Variants in PCDH15 observed in about 807,000 individuals in gnomAD.
The protein encoded by PCDH15 is protocadherin related 15.
In PCDH15, 129 loss-of-function variants were observed where a neutral mutation model predicts 178.5. The observed-to-expected ratio is 0.72, with a 90% confidence interval of 0.63 to 0.84. The LOEUF is 0.84. PCDH15 is among the 40% of genes least tolerant of loss of function. PCDH15 has a pLI of 0.00. For synonymous variants in PCDH15, 800 were observed against 732.0 expected (o/e 1.09, Z -1.50); for missense variants, 2,230 against 2,099.9 (o/e 1.06, Z -1.21).
chr10:55,229,022 T>C (rs1841136284), intron 1 of PCDH15, among the ~76,000 whole-genome samples: 1 of 151,882 alleles, frequency 6.6e-6, no homozygotes, highest in Non-Finnish European at 1.5e-5. Flanking sequence ...TTAAGCAATA[T>C]CATATTTTTC....
intron 34 of PCDH15, among the ~76,000 whole-genome samples, chr10:53,817,597 C>A (rs1451687296): frequency 6.8e-6 from 1 of 147,006 alleles, no homozygotes; most frequent in Non-Finnish European, 1.5e-5. Flanking sequence ...TCTTGGCTCA[C>A]TGCAATCTCC....
intron 1 of PCDH15, among the ~76,000 whole-genome samples, chr10:55,283,091 G>A (rs1290304111): frequency 6.6e-6 from 1 of 152,156 alleles, no homozygotes. Context: ...TCATGCAGCT[G>A]GAGGCTGTAA....
intron 3 of PCDH15, among the ~76,000 whole-genome samples, chr10:54,869,878 G>T (rs569315852): frequency 3.0e-4 from 45 of 152,210 alleles, no homozygotes; most frequent in Admixed American, 2.7e-3. Flanking sequence ...TTCACATGGG[G>T]TCAAGCCAAC....
chr10:55,194,782 T>C (rs1012483801), intron 1 of PCDH15, among the ~76,000 whole-genome samples: 1 of 151,848 alleles, frequency 6.6e-6, no homozygotes, highest in African/African-American at 2.4e-5. Context: ...TGAGCGACTA[T>C]ATATAGTATG....
intron 8 of PCDH15, among the ~76,000 whole-genome samples, chr10:54,288,812 G>T (rs2059202492): frequency 1.3e-5 from 2 of 152,216 alleles, no homozygotes; most frequent in Admixed American, 6.5e-5. Context: ...GGCTGGGGGA[G>T]GTGCGTCTGC....
intron 8 of PCDH15, among the ~76,000 whole-genome samples, chr10:54,290,560 G>T (rs977126474): frequency 1.3e-5 from 2 of 152,274 alleles, no homozygotes; most frequent in African/African-American, 4.8e-5. Context: ...AACCTAAAAT[G>T]TAAATGGGCT....
At chr10:54,002,146 A>G (rs2135021568) in intron 20 of PCDH15, among the ~76,000 whole-genome samples, 1 of 151,548 alleles carries the variant, frequency 6.6e-6, no homozygotes, top group African/African-American at 2.4e-5. Context: ...ATATATACAC[A>G]TACACACACA....
intron 1 of PCDH15, among the ~76,000 whole-genome samples, chr10:54,682,076 T>C (rs1404901702): frequency 6.6e-6 from 1 of 152,222 alleles, no homozygotes; most frequent in Non-Finnish European, 1.5e-5. Context: ...CATACAGTTA[T>C]ACAGTTATTG....
chr10:55,559,837 T>C (rs746673389), intron 2 of PCDH15, among the ~76,000 whole-genome samples: 1 of 151,906 alleles, frequency 6.6e-6, no homozygotes, highest in Non-Finnish European at 1.5e-5. Flanking sequence ...AAGAAAAATG[T>C]TTTTCAACAT....
At chr10:55,542,336 T>G (rs1446216086) in intron 2 of PCDH15, among the ~76,000 whole-genome samples, 1 of 151,010 alleles carries the variant, frequency 6.6e-6, no homozygotes, top group Non-Finnish European at 1.5e-5. Context: ...CCTATGCCCC[T>G]TGAATATATG....
chr10:54,367,218 G>A (rs1414002209), intron 5 of PCDH15, among the ~76,000 whole-genome samples: 1 of 152,044 alleles, frequency 6.6e-6, no homozygotes, highest in Non-Finnish European at 1.5e-5. Flanking sequence ...GGGAGAATTT[G>A]AGAATGTTCA....
At chr10:55,512,867 G>C (rs191791532) in intron 2 of PCDH15, 35 of 152,126 alleles carry the variant, frequency 2.3e-4, no homozygotes, top group African/African-American at 8.4e-4. Flanking sequence ...AGATGACAAT[G>C]GCAATTTGTT....
At chr10:54,778,431 T>A (rs987686944) in intron 1 of PCDH15, among the ~76,000 whole-genome samples, 1 of 152,180 alleles carries the variant, frequency 6.6e-6, no homozygotes, top group Non-Finnish European at 1.5e-5. Flanking sequence ...TTTCTCTGAA[T>A]AAGTATTATC....
At chr10:53,954,842 G>A (rs372106787) in intron 23 of PCDH15, among the ~76,000 whole-genome samples, 3 of 152,038 alleles carry the variant, frequency 2.0e-5, no homozygotes, top group African/African-American at 4.8e-5. Flanking sequence ...CTTCACTAAC[G>A]CATATTTAAA....
At chr10:55,515,921 T>G (rs1244152712) in intron 2 of PCDH15, among the ~76,000 whole-genome samples, 4 of 152,192 alleles carry the variant, frequency 2.6e-5, no homozygotes, top group African/African-American at 9.6e-5. Context: ...TTAGTTTGTG[T>G]TGTAGGAATT....
chr10:54,968,062 C>G (rs1415062680), intron 2 of PCDH15, among the ~76,000 whole-genome samples: 2 of 152,182 alleles, frequency 1.3e-5, no homozygotes, highest in Non-Finnish European at 2.9e-5. Flanking sequence ...ACAACACAAC[C>G]TATAACATAA....
chr10:55,451,748 G>A (rs1452641532), intron 2 of PCDH15, among the ~76,000 whole-genome samples: 1 of 152,124 alleles, frequency 6.6e-6, no homozygotes, highest in African/African-American at 2.4e-5. Flanking sequence ...CCGATTCTGA[G>A]TTGACATCTA....
Position 54,945,607 on chromosome 10 carries a change from A to G in PCDH15, c.-79-48107T>C, listed in dbSNP as rs559054997. Among the ~76,000 whole-genome samples the G allele has an allele frequency of 6.5e-4, 99 of 151,674 alleles. 3 individuals carry two copies. Among genetic ancestry groups the G allele is most frequent in the Non-Finnish European group, 6.5e-4 (44 of 67,740 alleles). ...AATATTCATAAATTGGAACCATGGTATTAAAGAGAAATTTGTTTTTATGTT... is the reference window on the plus strand; with the variant it reads ...AATATTCATAAATTGGAACCATGGTGTTAAAGAGAAATTTGTTTTTATGTT... On this transcript the variant is annotated intron_variant, in intron 2 of 5. Transcript: ENST00000458638.
chr10:55,045,547 T>C (rs1840980844), intron 2 of PCDH15, among the ~76,000 whole-genome samples: 2 of 152,142 alleles, frequency 1.3e-5, no homozygotes, highest in South Asian at 2.1e-4. Flanking sequence ...AAATGTTTCA[T>C]ATGTTATTCT....
Sources: allele counts gnomAD v4.1 joint callset (sites outside exome capture counted in the v4.1 genomes callset), GRCh38; gene constraint gnomAD v4.1.1; transcripts MANE v1.5; gene names NCBI Gene and HGNC (gene_info 2026-07-23, HGNC 2026-07-21).